HSPA14: variants seen among roughly 807,000 people sequenced by gnomAD.
HSPA14 encodes the protein heat shock protein family A (Hsp70) member 14, also known as heat shock 70 kDa protein 14.
A neutral mutation model predicts 65.5 loss-of-function variants in HSPA14; 37 were observed. The ratio of observed to expected loss-of-function variants is 0.56; its 90% CI spans 0.43 to 0.74. The LOEUF (loss-of-function observed/expected upper bound fraction) is 0.74, where lower values mean the gene tolerates loss of function less well. Among genes scored for constraint, HSPA14 ranks in the 30% least tolerant of loss-of-function variants. HSPA14 has a pLI of 0.00. For missense variants in HSPA14, 564 were observed against 607.6 expected, an observed-to-expected ratio of 0.93 and a Z score of 0.75; for synonymous variants, 203 against 214.2, an observed-to-expected ratio of 0.95 and a Z score of 0.46.
At chr10:14,853,946 C>G (rs147856188) in intron 8 of HSPA14, among the ~76,000 whole-genome samples, 179 bp from the exon 9 acceptor site, 183 of 152,290 alleles carry the variant, frequency 1.2e-3, no homozygotes, top group African/African-American at 4.1e-3. Context: ...TCTTGAACTC[C>G]TGACCTCAGG....
intron 7 of HSPA14, among the ~76,000 whole-genome samples, chr10:14,851,926 T>G (rs1564322640): frequency 6.6e-6 from 1 of 152,220 alleles, no homozygotes; most frequent in Non-Finnish European, 1.5e-5. Flanking sequence ...TAGATAAATC[T>G]GAGAATATCA....
rs1834108027 is a variant in HSPA14, at chr10:14,851,423, C to G, written c.572+100C>G. 4.6e-5 allele frequency: 33 copies of G among 711,352 alleles called. No individual in the cohort carries two copies. The South Asian group carries it at 5.2e-4, about 11-fold the overall frequency. 44.1% of individuals were successfully genotyped at this position (711,352 alleles called of 1,614,324 possible). ...AGATTATTATGTAATGCAGTGGTTC[C>G]AAACCTTTCTGGATGGAAAAACAGA... On this transcript the variant is annotated intron_variant, in intron 7 of 13. Coordinates refer to ENST00000378372, the MANE Select transcript of HSPA14 (RefSeq NM_016299.4).
At position 14,838,357 on chromosome 10, in the gene HSPA14, T is replaced by C; in HGVS notation, c.-46T>C. 1 of 1,562,432 alleles carries C rather than the reference T, an allele frequency of 6.4e-7. No individual in the cohort carries two copies. Among genetic ancestry groups the C allele is most frequent in the Non-Finnish European group, 8.7e-7 (1 of 1,154,736 alleles). On this transcript the variant is annotated 5_prime_UTR_variant, in exon 1 of 14. Coordinates refer to ENST00000378372, the MANE Select transcript of HSPA14 (RefSeq NM_016299.4). ...CCGTTGGGCGGCCGGTAGCTGTTGC[T>C]GTTGGGGGACCCCCTCATTCCTGCC...
chr10:14,859,183 TGAC>T (rs1832731873), intron 10 of HSPA14, among the ~76,000 whole-genome samples: 1 of 152,142 alleles, frequency 6.6e-6, no homozygotes, highest in African/African-American at 2.4e-5. Flanking sequence ...CACTATGTGT[TGAC>T]GACCTCCCTC....
At chr10:14,860,401 A>G (rs921426743) in intron 10 of HSPA14, among the ~76,000 whole-genome samples, 10 of 152,198 alleles carry the variant, frequency 6.6e-5, no homozygotes, top group African/African-American at 2.2e-4. Context: ...TATGAAACAG[A>G]TAAAATAATG....
intron 10 of HSPA14, among the ~76,000 whole-genome samples, chr10:14,866,433 A>C (rs1363079471): frequency 2.0e-5 from 3 of 152,222 alleles, no homozygotes; most frequent in Non-Finnish European, 4.4e-5. Context: ...CTTAGGTTAT[A>C]TATTAATTCA....
chr10:14,850,196 C>CA (rs1333747790), intron 6 of HSPA14, among the ~76,000 whole-genome samples: 1 of 150,350 alleles, frequency 6.7e-6, no homozygotes, highest in Non-Finnish European at 1.5e-5. Flanking sequence ...CGCCTGAACC[C>CA]AGGAAGTGGA....
rs775047229 is a variant in HSPA14, at chr10:14,852,514, A to G, written c.717A>G (p.Leu239=). 6.2e-7 allele frequency: 1 copy of G among 1,612,972 alleles called. No individual in the cohort carries two copies. Among genetic ancestry groups the G allele is most frequent in the African/African-American group, 1.3e-5 (1 of 74,968 alleles). ...AHFTETLAQY[L]ASEFQRSFKH... The stretch of plus-strand genomic sequence containing the variant: ...TCACAGAAACCTTAGCACAGTATCT[A>G]GCTTCTGAGTTCCAAAGGTGAGTGT... The change falls in exon 8 of 14, where the codon CTA becomes CTG. Residue 239 remains leucine, a synonymous_variant. Transcript: ENST00000378372.
At chr10:14,853,303 A>G (rs1031491295) in intron 8 of HSPA14, among the ~76,000 whole-genome samples, 1 of 152,336 alleles carries the variant, frequency 6.6e-6, no homozygotes, top group African/African-American at 2.4e-5. Flanking sequence ...GTAATTTTAC[A>G]TATTTTGTTG....
chr10:14,847,099 C>T (rs1834065075), intron 3 of HSPA14: 1 of 886,964 alleles, frequency 1.1e-6, no homozygotes, highest in Non-Finnish European at 1.4e-6. Flanking sequence ...TGCATGTCTG[C>T]AGCCCTCGGA....
intron 10 of HSPA14, among the ~76,000 whole-genome samples, chr10:14,864,270 G>GAATTTTTGGAAAAAATTTGGAAAAAAT (rs1554766560): frequency 5.3e-5 from 7 of 132,920 alleles, no homozygotes; most frequent in Admixed American, 1.5e-4. Flanking sequence ...TCCAAGGTTG[G>GAATTTTTGGAAAAAATTTGGAAAAAAT]TTTTTTTTTT....
rs529075807 is a variant in HSPA14, at chr10:14,871,290, T to C, written c.1452-238T>C. Among the ~76,000 whole-genome samples, 5 of 152,330 alleles carry C rather than the reference T, an allele frequency of 3.3e-5. No individual in the cohort carries two copies. In the East Asian group the frequency reaches 9.6e-4, roughly 29 times the overall value. ...TTTGTCATCATGGGTTTTCAAGAAA[T>C]ACAACCATGATCTTAGTGGTCTGGA... is the stretch of plus-strand genomic sequence containing the variant. On this transcript the variant is annotated intron_variant, in intron 13 of 13. Transcript: ENST00000378372.
chr10:14,843,303 T>C, intron 3 of HSPA14: 6 of 1,537,856 alleles, frequency 3.9e-6, no homozygotes, highest in Non-Finnish European at 5.3e-6. Flanking sequence ...GTCTCAGCTC[T>C]GCTGCTGGCT....
chr10:14,853,498 G>T (rs1199280472), intron 8 of HSPA14, among the ~76,000 whole-genome samples: 1 of 152,098 alleles, frequency 6.6e-6, no homozygotes, highest in Non-Finnish European at 1.5e-5. Flanking sequence ...GGAAAAGGGT[G>T]ATATCTACTC....
At chr10:14,846,358 TGAA>T (rs1288532783) in intron 3 of HSPA14, 2 of 985,264 alleles carry the variant, frequency 2.0e-6, no homozygotes, top group African/African-American at 3.5e-5. Flanking sequence ...AAAGGAGTGC[TGAA>T]GAAGAGCATT....
At chr10:14,871,495 T>A (rs746975802) in intron 13 of HSPA14, 33 bp from the exon 14 acceptor site, 1 of 1,215,042 alleles carries the variant, frequency 8.2e-7, no homozygotes, top group East Asian at 2.4e-5. Flanking sequence ...AAAATGAGCT[T>A]GTGCAATGTT....
chr10:14,852,374 ATT>A lies in HSPA14; in HGVS notation c.580_581del (p.Leu194GlyfsTer3). ...TTACTTTATCTTCTCTTGAAGCAAT[ATT>A]TTGGTGTTTAAGCTTGGAGGAACAT... ...GQDSPTGKSN[I>X]LVFKLGGTSL... On this transcript the variant is annotated frameshift_variant, in exon 8 of 14. Transcript: ENST00000378372. LOFTEE classifies it high-confidence loss of function. 1.9e-6 allele frequency: 3 copies of A among 1,612,376 alleles called. No homozygotes were observed. Among genetic ancestry groups the A allele is most frequent in the Non-Finnish European group, 2.5e-6 (3 of 1,179,150 alleles).
chr10:14,841,966 A>G (rs1330887660), intron 3 of HSPA14: 9 of 436,434 alleles, frequency 2.1e-5, no homozygotes, highest in Non-Finnish European at 2.6e-5. Flanking sequence ...TTACCAAGCC[A>G]TTAGGTTCTT....
At chr10:14,838,600 G>A (rs984410018) in intron 1 of HSPA14, 141 bp downstream of exon 1, 30 of 802,672 alleles carry the variant, frequency 3.7e-5, no homozygotes, top group Non-Finnish European at 5.3e-5. Context: ...ACTCCGGAGC[G>A]AAGGGCCGGG....
Sources: gnomAD v4.1 joint callset for allele counts (sites outside exome capture counted in the v4.1 genomes callset) on GRCh38, gnomAD v4.1.1 for gene constraint, MANE v1.5 for transcripts, NCBI Gene and HGNC (gene_info 2026-07-23, HGNC 2026-07-21) for gene names.